The following MLIP variants were observed in gnomAD, a reference collection of about 807,000 sequenced individuals.
MLIP encodes the protein muscular LMNA interacting protein.
Under a neutral mutation model 84.8 loss-of-function variants are expected in MLIP, and 79 were observed. The observed-to-expected ratio is 0.93, with a 90% CI of 0.78 to 1.12. The LOEUF is 1.12. MLIP is among the 50% of genes most tolerant of loss of function. The pLI, the probability that MLIP is intolerant of heterozygous loss-of-function variation, is 0.00. For synonymous variants in MLIP, 504 were observed against 463.0 expected (o/e 1.09, Z -1.14); for missense variants, 1,257 against 1,160.6 (o/e 1.08, Z -1.21).
intron 3 of MLIP, among the ~76,000 whole-genome samples, chr6:54,128,557 T>C (rs1012662146): frequency 5.3e-5 from 8 of 152,128 alleles, no homozygotes; most frequent in African/African-American, 9.7e-5. Flanking sequence ...GTAGGACCCC[T>C]GAGTCCATTA....
At chr6:54,070,636 A>G (rs999915980) in intron 1 of MLIP, among the ~76,000 whole-genome samples, 3 of 152,176 alleles carry the variant, frequency 2.0e-5, no homozygotes, top group African/African-American at 4.8e-5. Flanking sequence ...AATAAACATT[A>G]TAAGTTAACT....
At chr6:54,248,131 A>G (rs9296742) in intron 12 of MLIP, among the ~76,000 whole-genome samples, 20,487 of 152,048 alleles carry the variant, frequency 0.13, 2,016 homozygotes, top group African/African-American at 0.27. Flanking sequence ...GTCACACTGG[A>G]ATAAGAGGTA....
At chr6:54,231,471 GTGTGTGCGTGTGTC>G (rs948111341) in intron 12 of MLIP, among the ~76,000 whole-genome samples, 3 of 77,666 alleles carry the variant, frequency 3.9e-5, no homozygotes, top group Admixed American at 1.4e-4. Flanking sequence ...GTGTGTGCGT[GTGTGTGCGTGTGTC>G]TGTCTGTCTG....
rs146690239 is a variant in MLIP at position 54,111,761 on chromosome 6, G to A, written c.96+186G>A. Among the ~76,000 whole-genome samples the A allele has an allele frequency of 2.8e-4, 43 of 152,254 alleles. 1 individual carries two copies. Among genetic ancestry groups the A allele is most frequent in the African/African-American group, 9.4e-4 (39 of 41,540 alleles). On this transcript the variant is annotated intron_variant, in intron 1 of 13. Coordinates refer to ENST00000502396, the MANE Select transcript of MLIP (RefSeq NM_001281747.2). Reference sequence around the variant, plus strand: ...CTGATAAAGACAAAACTGCTCATTGGGCAAAGAAAATGCTCAGGATTGCCC... The same window carrying A: ...CTGATAAAGACAAAACTGCTCATTGAGCAAAGAAAATGCTCAGGATTGCCC...
chr6:54,018,987 C>A, exon 1 of MLIP: 1 of 1,529,922 alleles, frequency 6.5e-7, no homozygotes, highest in South Asian at 1.1e-5. Flanking sequence ...ATCTGAACCT[C>A]TGTGTCTCTC....
intron 1 of MLIP, among the ~76,000 whole-genome samples, chr6:54,039,382 G>C (rs955495069): frequency 6.6e-6 from 1 of 151,898 alleles, no homozygotes; most frequent in Non-Finnish European, 1.5e-5. Flanking sequence ...ATTAAAATGG[G>C]TGAATGCTAC....
chr6:54,137,185 A>G lies in MLIP; in HGVS notation c.1116A>G (p.Ser372=). The change falls in exon 4 of 14, where the codon TCA becomes TCG. Residue 372 remains serine (S), a synonymous_variant. Coordinates refer to ENST00000502396, the MANE Select transcript of MLIP (RefSeq NM_001281747.2). ...TACCAGTCCGCATTGTCACGCATTC[A>G]CTCTCTCCGAGCCCCAAACCATTTA... ...SYIPVRIVTH[S]LSPSPKPFTS... 5 of 1,535,116 alleles carry G rather than the reference A, an allele frequency of 3.3e-6. No individual in the cohort carries two copies. Among genetic ancestry groups the G allele is most frequent in the Non-Finnish European group, 4.4e-6 (5 of 1,146,628 alleles).
At chr6:54,253,748 G>A (rs935439462) in intron 12 of MLIP, among the ~76,000 whole-genome samples, 1 of 152,080 alleles carries the variant, frequency 6.6e-6, no homozygotes, top group Non-Finnish European at 1.5e-5. Flanking sequence ...TGTTAGTTTG[G>A]TGGCAGCTGT....
chr6:54,216,370 C>A (rs1191463702), intron 11 of MLIP: 18 of 985,144 alleles, frequency 1.8e-5, no homozygotes, highest in Non-Finnish European at 2.0e-5. Flanking sequence ...AAATAAAAGA[C>A]CAGAATCCAA....
Position 54,121,612 on chromosome 6 carries a change from T to C in MLIP, c.252+10T>C. 6.5e-7 allele frequency: 1 copy of C among 1,530,276 alleles called. No homozygotes were observed. Among genetic ancestry groups the C allele is most frequent in the East Asian group, 2.3e-5 (1 of 43,602 alleles). The allele number at this position is 1,530,276 out of a possible 1,614,324, so 94.8% of individuals were successfully genotyped here. On this transcript the variant is annotated intron_variant, in intron 2 of 13. Transcript: ENST00000502396. Reference sequence around the variant, plus strand: ...AGAAACTGTAAATAGGGTAGGATTATTTTTATTCTTTTTTAATTTCAAACA... The same window carrying C: ...AGAAACTGTAAATAGGGTAGGATTACTTTTATTCTTTTTTAATTTCAAACA...
At chr6:54,168,990 G>A (rs919222993) in intron 8 of MLIP, among the ~76,000 whole-genome samples, 6 of 151,464 alleles carry the variant, frequency 4.0e-5, no homozygotes, top group African/African-American at 9.7e-5. Flanking sequence ...GCTGATGAAG[G>A]TCAGTGATTT....
At chr6:54,038,706 C>T (rs1305166234) in intron 1 of MLIP, among the ~76,000 whole-genome samples, 1 of 151,812 alleles carries the variant, frequency 6.6e-6, no homozygotes, top group Non-Finnish European at 1.5e-5. Flanking sequence ...TTCAGATGTC[C>T]TTAAAAAGTC....
chr6:54,222,700 C>A (rs1166491921), intron 11 of MLIP, among the ~76,000 whole-genome samples: 8 of 152,046 alleles, frequency 5.3e-5, no homozygotes, highest in Non-Finnish European at 1.2e-4. Flanking sequence ...GATATCTCTT[C>A]AAGACACTGA....
intron 1 of MLIP, among the ~76,000 whole-genome samples, chr6:54,090,661 A>ATGTGTGTGTG (rs145816939): frequency 6.8e-6 from 1 of 147,194 alleles, no homozygotes; most frequent in Non-Finnish European, 1.5e-5. Flanking sequence ...GTGTGTGTGT[A>ATGTGTGTGTG]TGTGTGTGTG....
intron 1 of MLIP, among the ~76,000 whole-genome samples, chr6:54,074,895 A>T (rs138219632): frequency 6.6e-6 from 1 of 152,236 alleles, no homozygotes; most frequent in East Asian, 1.9e-4. Context: ...GAAATTCTTA[A>T]ATTGGCTAAT....
intron 11 of MLIP, among the ~76,000 whole-genome samples, chr6:54,218,400 C>A (rs967773362): frequency 6.6e-6 from 1 of 152,154 alleles, no homozygotes; most frequent in Admixed American, 6.5e-5. Flanking sequence ...CTGTATAGTG[C>A]ACTTACCATG....
chr6:54,090,713 G>GAC (rs146643591), intron 1 of MLIP, among the ~76,000 whole-genome samples: 26 of 149,408 alleles, frequency 1.7e-4, no homozygotes, highest in African/African-American at 4.7e-4. Context: ...GAGAGAGAGG[G>GAC]ACACACACAC....
intron 12 of MLIP, among the ~76,000 whole-genome samples, chr6:54,233,335 C>A (rs1781133768): frequency 6.6e-6 from 1 of 151,968 alleles, no homozygotes; most frequent in Admixed American, 6.6e-5. Context: ...CCTAGCCCCC[C>A]ACCCCCCAAC....
chr6:54,165,556 A>G (rs961359042), intron 8 of MLIP, among the ~76,000 whole-genome samples: 1 of 151,964 alleles, frequency 6.6e-6, no homozygotes, highest in South Asian at 2.1e-4. Context: ...AAGCAGGTGT[A>G]GAATACGTAA....
Sources: allele counts gnomAD v4.1 joint callset (sites outside exome capture counted in the v4.1 genomes callset), GRCh38; gene constraint gnomAD v4.1.1; transcripts MANE v1.5; gene names NCBI Gene and HGNC (gene_info 2026-07-23, HGNC 2026-07-21).